The following DDX10 variants were observed in gnomAD, a reference collection of about 807,000 sequenced individuals.
DDX10 encodes the protein DEAD-box helicase 10.
A neutral mutation model predicts 104.3 loss-of-function variants in DDX10; 74 were observed. The ratio of observed to expected loss-of-function variants is 0.71; its 90% CI spans 0.59 to 0.86. The LOEUF (loss-of-function observed/expected upper bound fraction) is 0.86. DDX10 is among the 40% of genes least tolerant of loss of function. The pLI is 0.00. For missense variants in DDX10, 952 were observed against 1,040.0 expected (o/e 0.92, Z 1.16); for synonymous variants, 351 against 353.4 (o/e 0.99, Z 0.08).
Position 108,785,214 on chromosome 11 carries a change from A to G in DDX10, c.1966-53232A>G, listed in dbSNP as rs141581028. 7.6e-4 allele frequency among the ~76,000 whole-genome samples: 115 copies of G among 152,288 alleles called. 3 individuals carry two copies. The East Asian group carries it at 0.02, about 27-fold the overall frequency. On this transcript the variant is annotated intron_variant, in intron 13 of 17. Coordinates refer to ENST00000322536, the MANE Select transcript of DDX10 (RefSeq NM_004398.4). ...GATTTTTGCTTTTGATTCTGTTTAC[A>G]TGGCGAATCACATTTATTGATTTGT...
chr11:108,690,124 T>C (rs2094250162), intron 7 of DDX10, among the ~76,000 whole-genome samples: 1 of 152,054 alleles, frequency 6.6e-6, no homozygotes, highest in African/African-American at 2.4e-5. Context: ...CCTGGGAGCA[T>C]TCCTCAAGGC....
At chr11:108,814,277 G>A (rs1355926953) in intron 13 of DDX10, among the ~76,000 whole-genome samples, 2 of 152,088 alleles carry the variant, frequency 1.3e-5, no homozygotes, top group Non-Finnish European at 2.9e-5. Context: ...AAGATTATTT[G>A]CAGTCTAAAG....
chr11:108,718,616 C>T lies in DDX10; in HGVS notation c.1411-1181C>T, dbSNP rs568536881. ...TTTTTTCACTGGTTTGTGCATACAACGGATGAGCCTTCCAGAACACTGATT... is the reference window on the plus strand; with the variant it reads ...TTTTTTCACTGGTTTGTGCATACAATGGATGAGCCTTCCAGAACACTGATT... On this transcript the variant is annotated intron_variant, in intron 11 of 17. Coordinates refer to ENST00000322536, the MANE Select transcript of DDX10 (RefSeq NM_004398.4). Among the ~76,000 whole-genome samples the T allele has an allele frequency of 1.4e-3, 219 of 152,278 alleles. 2 individuals carry two copies. The highest frequency in any genetic ancestry group is 5.0e-3 in the African/African-American group (206 of 41,566).
At chr11:108,845,795 T>C (rs1862708665) in intron 15 of DDX10, among the ~76,000 whole-genome samples, 1 of 152,236 alleles carries the variant, frequency 6.6e-6, no homozygotes, top group Non-Finnish European at 1.5e-5. Flanking sequence ...ATTATATATT[T>C]GGTTTAAAGG....
chr11:108,906,025 A>C (rs912875686), intron 16 of DDX10, among the ~76,000 whole-genome samples: 2 of 152,198 alleles, frequency 1.3e-5, no homozygotes, highest in Non-Finnish European at 2.9e-5. Flanking sequence ...TGGGGATTAC[A>C]ATTCAACATG....
At chr11:108,824,936 G>C (rs939205664) in intron 13 of DDX10, among the ~76,000 whole-genome samples, 7 of 152,058 alleles carry the variant, frequency 4.6e-5, no homozygotes, top group African/African-American at 1.7e-4. Flanking sequence ...CTTAACTATT[G>C]TAACACTATA....
At chr11:108,922,264 AAGAGAGAG>A in intron 17 of DDX10, 1 of 93,942 alleles carries the variant, frequency 1.1e-5, no homozygotes, top group East Asian at 3.7e-4. Context: ...AAAAAAAAAA[AAGAGAGAG>A]AGAGAGAGAG....
In DDX10 at chr11:108,790,773, T is replaced by C. The variant is rs571840401; in HGVS notation, c.1966-47673T>C. Among the ~76,000 whole-genome samples the C allele has an allele frequency of 8.5e-5, 13 of 152,244 alleles. No homozygotes were observed. The East Asian group carries it at 1.9e-3, about 23-fold the overall frequency. On this transcript the variant is annotated intron_variant, in intron 13 of 17. Coordinates refer to ENST00000322536, the MANE Select transcript of DDX10 (RefSeq NM_004398.4). ...ATGGTCTCTCTTTTTGTTTTTTTTT[T>C]TGACTCTTAAAATTTACCTTAAGGT...
At chr11:108,675,345 G>T (rs1432001064) in intron 2 of DDX10, among the ~76,000 whole-genome samples, 2 of 152,198 alleles carry the variant, frequency 1.3e-5, no homozygotes, top group Non-Finnish European at 2.9e-5. Context: ...CTCTGTGCAT[G>T]TGGACCCTTG....
chr11:108,787,643 T>A (rs1236711651), intron 13 of DDX10, among the ~76,000 whole-genome samples: 2 of 151,996 alleles, frequency 1.3e-5, no homozygotes, highest in Non-Finnish European at 2.9e-5. Context: ...ATACTTTTGA[T>A]TGTAAGGGGC....
chr11:108,749,076 C>T (rs1017267238), intron 13 of DDX10, among the ~76,000 whole-genome samples: 10 of 151,644 alleles, frequency 6.6e-5, no homozygotes, highest in South Asian at 2.1e-4. Context: ...CTCTTTCTCT[C>T]TCTCTCTCTC....
chr11:108,758,910 A>G (rs193185845), intron 13 of DDX10, among the ~76,000 whole-genome samples: 6 of 152,218 alleles, frequency 3.9e-5, no homozygotes, highest in Non-Finnish European at 8.8e-5. Flanking sequence ...TTTTCTGGCT[A>G]CCACAGTAAC....
chr11:108,690,762 G>T, intron 7 of DDX10: 1 of 241,186 alleles, frequency 4.1e-6, no homozygotes, highest in East Asian at 1.2e-4. Flanking sequence ...GGCAGGAGAA[G>T]AGATAGATCT....
chr11:108,798,705 G>T (rs1011513775), intron 13 of DDX10, among the ~76,000 whole-genome samples: 9 of 152,162 alleles, frequency 5.9e-5, no homozygotes, highest in Admixed American at 5.9e-4. Flanking sequence ...AGAGGGTTGA[G>T]GATGTTAGTG....
At chr11:108,747,617 C>A (rs999864348) in intron 13 of DDX10, among the ~76,000 whole-genome samples, 1 of 152,108 alleles carries the variant, frequency 6.6e-6, no homozygotes, top group East Asian at 1.9e-4. Context: ...TGTTTACTTA[C>A]CTGTATACTG....
intron 16 of DDX10, among the ~76,000 whole-genome samples, chr11:108,900,501 G>T (rs1005513468): frequency 1.7e-4 from 26 of 152,194 alleles, no homozygotes; most frequent in African/African-American, 6.0e-4. Flanking sequence ...GTCACTGACT[G>T]AGTGCCTGCA....
intron 4 of DDX10, 67 bp from the exon 5 acceptor site, chr11:108,678,248 A>G (rs369816001): frequency 6.6e-7 from 1 of 1,509,952 alleles, no homozygotes; most frequent in East Asian, 2.4e-5. Context: ...GATGGCTTTT[A>G]TAGCTTTGGT....
intron 13 of DDX10, among the ~76,000 whole-genome samples, chr11:108,784,220 T>G (rs1050075861): frequency 6.6e-6 from 1 of 152,222 alleles, no homozygotes; most frequent in Non-Finnish European, 1.5e-5. Flanking sequence ...TTCTTTGAGA[T>G]ATCTCCAAAC....
intron 16 of DDX10, among the ~76,000 whole-genome samples, chr11:108,868,678 A>T (rs1863039347): frequency 6.6e-6 from 1 of 152,080 alleles, no homozygotes; most frequent in African/African-American, 2.4e-5. Context: ...TGTTGTGGTT[A>T]TATTCCAAAT....
Sources: allele counts gnomAD v4.1 joint callset (sites outside exome capture counted in the v4.1 genomes callset), GRCh38; gene constraint gnomAD v4.1.1; transcripts MANE v1.5; gene names NCBI Gene and HGNC (gene_info 2026-07-23, HGNC 2026-07-21).